The following CYYR1 variants were observed in gnomAD, a reference collection of about 807,000 sequenced individuals.
CYYR1 encodes cysteine and tyrosine rich 1, also known as cysteine and tyrosine-rich protein 1.
A neutral mutation model predicts 15.2 loss-of-function variants in CYYR1; 14 were observed. That is an observed-to-expected ratio of 0.92 (90% CI 0.61 to 1.44). The LOEUF (loss-of-function observed/expected upper bound fraction) is 1.44, where lower values mean the gene tolerates loss of function less well. Ranked by LOEUF, CYYR1 falls within the 40% of genes most tolerant of loss-of-function variation. The pLI is 0.00. For missense variants in CYYR1, 228 were observed against 209.5 expected (o/e 1.09, Z -0.54); for synonymous variants, 80 against 77.4 (o/e 1.03, Z -0.18).
intron 2 of CYYR1, among the ~76,000 whole-genome samples, chr21:26,485,749 T>C (rs1407677493): frequency 1.3e-5 from 2 of 152,082 alleles, no homozygotes; most frequent in South Asian, 2.1e-4. Context: ...GTTTGACAAA[T>C]AAAGTTGCTA....
chr21:26,489,554 A>G (rs2065297619), intron 2 of CYYR1, among the ~76,000 whole-genome samples: 1 of 151,858 alleles, frequency 6.6e-6, no homozygotes, highest in African/African-American at 2.4e-5. Context: ...ATATACATGC[A>G]CATACATATT....
At chr21:26,527,281 T>C (rs1019460819) in intron 2 of CYYR1, among the ~76,000 whole-genome samples, 3 of 152,214 alleles carry the variant, frequency 2.0e-5, no homozygotes, top group East Asian at 3.8e-4. Flanking sequence ...AACTAGGGTT[T>C]GGAATTTGGA....
At position 26,573,210 on chromosome 21, in the gene CYYR1, G is replaced by A; in HGVS notation, c.-270C>T. 1 of 1,436,100 alleles carries A rather than the reference G, an allele frequency of 7.0e-7. No individual in the cohort carries two copies. Among genetic ancestry groups the A allele is most frequent in the East Asian group, 3.1e-5 (1 of 31,776 alleles). The allele number at this position is 1,436,100 out of a possible 1,614,324, so 89.0% of individuals were successfully genotyped here. The stretch of plus-strand genomic sequence containing the variant: ...TCTTTGTCTCGCCCCACTGCGCTCA[G>A]GCGCGGGGAAGGCGGCCACTCCGGC... On this transcript the variant is annotated 5_prime_UTR_variant, in exon 1 of 4. Transcript: ENST00000652641.
At chr21:26,470,972 T>C (rs891559086) in intron 3 of CYYR1, 1 of 152,220 alleles carries the variant, frequency 6.6e-6, no homozygotes, top group African/African-American at 2.4e-5. Flanking sequence ...CACAGCTCTG[T>C]AAATACATCA....
Position 26,468,172 on chromosome 21 carries a change from A to G in CYYR1, c.*329T>C. ...TACTTAGATCTTCTTTTTTTCCAGG[A>G]TCAATACTGAAACTTTCTTCACCTA... On this transcript the variant is annotated 3_prime_UTR_variant, in exon 4 of 4. Transcript: ENST00000652641. 6.3e-6 allele frequency: 2 copies of G among 317,796 alleles called. No homozygotes were observed. The highest frequency in any genetic ancestry group is 1.2e-5 in the Non-Finnish European group (2 of 165,412). The allele number at this position is 317,796 out of a possible 1,614,324, so 19.7% of individuals were successfully genotyped here. A position where few individuals can be genotyped will look rare whatever the true frequency, so the allele number is the denominator to read the frequency against.
In CYYR1 at chr21:26,467,609, A is replaced by T. The variant is rs2064983774; in HGVS notation, c.*892T>A. 6.6e-6 allele frequency: 1 copy of T among 152,062 alleles called. No homozygotes were observed. The highest frequency in any genetic ancestry group is 6.5e-5 in the Admixed American group (1 of 15,268). 9.4% of individuals were successfully genotyped at this position (152,062 alleles called of 1,614,324 possible). A position where few individuals can be genotyped will look rare whatever the true frequency, so the allele number is the denominator to read the frequency against. ...GAAGTGAAGTGTCTGCTACCTGTGG[A>T]ACTTGATACAATTTTTTTTTTCTCC... is the stretch of plus-strand genomic sequence containing the variant. On this transcript the variant is annotated 3_prime_UTR_variant, in exon 4 of 4. Coordinates refer to ENST00000652641, the MANE Select transcript of CYYR1 (RefSeq NM_001320768.2).
At chr21:26,495,342 G>A (rs1037799344) in intron 2 of CYYR1, among the ~76,000 whole-genome samples, 1 of 152,162 alleles carries the variant, frequency 6.6e-6, no homozygotes. Flanking sequence ...AACAGTTAGG[G>A]CTTGCCAAAT....
At chr21:26,493,819 A>G (rs2065359780) in intron 2 of CYYR1, among the ~76,000 whole-genome samples, 1 of 152,122 alleles carries the variant, frequency 6.6e-6, no homozygotes, top group Non-Finnish European at 1.5e-5. Flanking sequence ...GACTTTAACC[A>G]CCTTTGTTTT....
intron 3 of CYYR1, among the ~76,000 whole-genome samples, chr21:26,469,853 A>G (rs1411936715): frequency 6.6e-6 from 1 of 152,088 alleles, no homozygotes; most frequent in East Asian, 1.9e-4. Flanking sequence ...ATAAAAGTCT[A>G]TTTTGTAGTG....
At chr21:26,490,883 T>C (rs1220991822) in intron 2 of CYYR1, among the ~76,000 whole-genome samples, 4 of 152,070 alleles carry the variant, frequency 2.6e-5, no homozygotes, top group African/African-American at 7.2e-5. Flanking sequence ...GCACTAGGCA[T>C]GTAAAGATGA....
intron 2 of CYYR1, among the ~76,000 whole-genome samples, chr21:26,559,123 T>C (rs1980014793): frequency 6.6e-6 from 1 of 152,196 alleles, no homozygotes; most frequent in South Asian, 2.1e-4. Flanking sequence ...CCACATTGCT[T>C]GGCACTATCA....
chr21:26,515,034 T>C (rs1339097393), intron 2 of CYYR1, among the ~76,000 whole-genome samples: 1 of 152,230 alleles, frequency 6.6e-6, no homozygotes, highest in Non-Finnish European at 1.5e-5. Flanking sequence ...TTTCTCCCCA[T>C]GTTTTCTCTT....
At chr21:26,530,637 G>A (rs1242682767) in intron 2 of CYYR1, among the ~76,000 whole-genome samples, 1 of 151,484 alleles carries the variant, frequency 6.6e-6, no homozygotes, top group East Asian at 1.9e-4. Flanking sequence ...GACAGGCCCC[G>A]GTGTGTGATG....
chr21:26,572,629 G>C (rs1981079808), intron 1 of CYYR1, among the ~76,000 whole-genome samples: 1 of 152,188 alleles, frequency 6.6e-6, no homozygotes, highest in Non-Finnish European at 1.5e-5. Context: ...TATTTCCAAG[G>C]TGGAAAGGGA....
intron 1 of CYYR1, among the ~76,000 whole-genome samples, chr21:26,572,564 A>G (rs1285547405): frequency 1.3e-5 from 2 of 152,222 alleles, no homozygotes; most frequent in Non-Finnish European, 2.9e-5. Flanking sequence ...AGATAAGTTT[A>G]TTTGGATATA....
chr21:26,493,334 A>C (rs531734715), intron 2 of CYYR1, among the ~76,000 whole-genome samples: 16 of 152,330 alleles, frequency 1.1e-4, no homozygotes, highest in African/African-American at 3.4e-4. Flanking sequence ...TTTGATGGGT[A>C]CCAGACTGCA....
chr21:26,496,618 A>G (rs750486288), intron 2 of CYYR1, among the ~76,000 whole-genome samples: 12 of 152,174 alleles, frequency 7.9e-5, no homozygotes, highest in Non-Finnish European at 1.3e-4. Flanking sequence ...ACACTGAACA[A>G]TTGCTGGCAA....
At chr21:26,526,317 G>A (rs781295030) in intron 2 of CYYR1, among the ~76,000 whole-genome samples, 1 of 151,942 alleles carries the variant, frequency 6.6e-6, no homozygotes, top group Non-Finnish European at 1.5e-5. Flanking sequence ...GCGTGGTGAT[G>A]GGAGCCTATA....
chr21:26,484,946 A>G (rs534747978), intron 2 of CYYR1, among the ~76,000 whole-genome samples: 1 of 152,222 alleles, frequency 6.6e-6, no homozygotes, highest in African/African-American at 2.4e-5. Flanking sequence ...GCAATCGTAA[A>G]TTAGTTATTT....
Sources: allele counts gnomAD v4.1 joint callset (sites outside exome capture counted in the v4.1 genomes callset), GRCh38; gene constraint gnomAD v4.1.1; transcripts MANE v1.5; gene names NCBI Gene and HGNC (gene_info 2026-07-23, HGNC 2026-07-21).